TRIP11: variants seen among roughly 807,000 people sequenced by gnomAD.
TRIP11 encodes the protein thyroid receptor-interacting protein 11.
In TRIP11, 148 loss-of-function variants were observed where a neutral mutation model predicts 223.1. That is an observed-to-expected ratio of 0.66 (90% CI 0.58 to 0.76). The LOEUF (loss-of-function observed/expected upper bound fraction) is 0.76. TRIP11 is among the 30% of genes least tolerant of loss of function. TRIP11 has a pLI of 0.00. For missense variants in TRIP11, 2,043 were observed against 2,222.0 expected, an observed-to-expected ratio of 0.92 and a Z score of 1.62; for synonymous variants, 762 against 772.6, an observed-to-expected ratio of 0.99 and a Z score of 0.23.
intron 11 of TRIP11, 94 bp downstream of exon 11, chr14:92,003,323 GCA>G (rs2140115227): frequency 2.7e-6 from 4 of 1,489,114 alleles, no homozygotes; most frequent in Non-Finnish European, 3.7e-6. Context: ...ATGAACAAAT[GCA>G]CAGTCCCCTT....
At chr14:92,011,620 C>A in intron 8 of TRIP11, 135 bp downstream of exon 8, 91 of 619,324 alleles carry the variant, frequency 1.5e-4, no homozygotes, top group Middle Eastern at 7.4e-4. Context: ...AATATATTTA[C>A]AAAATAACTT....
intron 20 of TRIP11, among the ~76,000 whole-genome samples, chr14:91,971,922 T>C (rs10143975): frequency 0.037 from 5,574 of 152,316 alleles, 330 homozygotes; most frequent in African/African-American, 0.12. Flanking sequence ...AAGCATCTGA[T>C]GTGTGATATG....
intron 16 of TRIP11, among the ~76,000 whole-genome samples, chr14:91,986,993 T>C (rs538334190): frequency 2.2e-4 from 34 of 152,304 alleles, no homozygotes; most frequent in Middle Eastern, 3.4e-3. Flanking sequence ...CCACGAATTA[T>C]GGTAATAGTT....
chr14:92,037,674 G>A lies in TRIP11; in HGVS notation c.139+1873C>T, dbSNP rs146425142. Among the ~76,000 whole-genome samples the A allele has an allele frequency of 7.6e-3, 1,158 of 152,320 alleles. 19 individuals are homozygous for A. Among genetic ancestry groups the A allele is most frequent in the African/African-American group, 0.026 (1,073 of 41,568 alleles). On this transcript the variant is annotated intron_variant, in intron 1 of 20. Coordinates refer to ENST00000267622, the MANE Select transcript of TRIP11 (RefSeq NM_004239.4). The surrounding 1 kb of genome is among the most constrained non-coding windows in gnomAD (Gnocchi z 4.2). The stretch of plus-strand genomic sequence containing the variant: ...GGATCACCTGCGGTCTCAGGAGTTC[G>A]AGATCAGCCTGGCCAACATGGCGAA...
chr14:91,985,552 A>G (rs10140150), intron 16 of TRIP11, among the ~76,000 whole-genome samples: 5,478 of 152,300 alleles, frequency 0.036, 315 homozygotes, highest in African/African-American at 0.11. Context: ...AACCATTTGG[A>G]ATAAAATACT....
Position 91,975,154 on chromosome 14 carries a change from C to T in TRIP11, c.5457+18G>A. ...CTGGATTATGAATGTGTTCAGATGG[C>T]TTTCATCGTCCAGTCACCTGCTCCA... On this transcript the variant is annotated intron_variant, in intron 18 of 20. Transcript: ENST00000267622. The T allele has an allele frequency of 6.2e-7, 1 of 1,600,420 alleles. No individual in the cohort carries two copies. Among genetic ancestry groups the T allele is most frequent in the Non-Finnish European group, 8.6e-7 (1 of 1,167,786 alleles).
chr14:92,034,438 G>GAAAAAAAAAAAAAAAAA (rs1289802271), intron 1 of TRIP11, among the ~76,000 whole-genome samples: 2 of 146,688 alleles, frequency 1.4e-5, no homozygotes, highest in Admixed American at 6.7e-5. Context: ...AAAAAAAAAG[G>GAAAAAAAAAAAAAAAAA]AAAGGGAGCT....
Position 92,011,026 on chromosome 14 carries a change from T to A in TRIP11, c.1274A>T (p.Glu425Val). 6.2e-7 allele frequency: 1 copy of A among 1,614,066 alleles called. No homozygotes were observed. Among genetic ancestry groups the A allele is most frequent in the Non-Finnish European group, 8.5e-7 (1 of 1,179,994 alleles). Residue 425 changes from glutamate to valine, a missense_variant, in exon 9 of 21, where the codon GAA (glutamate) becomes GTA (valine). Coordinates refer to ENST00000267622, the MANE Select transcript of TRIP11 (RefSeq NM_004239.4). The stretch of plus-strand genomic sequence containing the variant: ...TAATGACTTCTCTTTTTCTAAAACT[T>A]CGATACGCATTTTAAGTTTCAGATT... ...EDNLKLKMRI[E>V]VLEKEKSLLS...
chr14:92,020,647 C>A (rs1314181283), intron 4 of TRIP11, among the ~76,000 whole-genome samples: 1 of 149,810 alleles, frequency 6.7e-6, no homozygotes, highest in Non-Finnish European at 1.5e-5. Context: ...CAATTTTTTT[C>A]CTCTCATGTT....
At chr14:91,992,766 G>A (rs61063535) in intron 15 of TRIP11, among the ~76,000 whole-genome samples, 2,978 of 151,792 alleles carry the variant, frequency 0.02, 54 homozygotes, top group South Asian at 0.085. Flanking sequence ...AAAATTAGCC[G>A]GGTGTGGTGG....
At chr14:91,976,284 C>G in intron 16 of TRIP11, 95 bp from the exon 17 acceptor site, 1 of 989,378 alleles carries the variant, frequency 1.0e-6, no homozygotes, top group Non-Finnish European at 1.6e-6. Context: ...ATTATAACCT[C>G]TGAATATATA....
At chr14:92,021,331 G>A (rs1354080499) in intron 4 of TRIP11, among the ~76,000 whole-genome samples, 2 of 150,084 alleles carry the variant, frequency 1.3e-5, no homozygotes, top group African/African-American at 4.9e-5. Flanking sequence ...CGAGGCTGCA[G>A]TGAGCCAAGA....
Position 92,006,163 on chromosome 14 carries a change from C to A in TRIP11, c.1813G>T (p.Glu605Ter). The A allele has an allele frequency of 6.2e-7, 1 of 1,613,076 alleles. No individual in the cohort carries two copies. The highest frequency in any genetic ancestry group is 8.5e-7 in the Non-Finnish European group (1 of 1,179,780). The change falls in exon 11 of 21, where the codon GAG (glutamate) becomes TAG (stop). Residue 605 changes from glutamate to a stop codon, truncating the protein, a stop_gained. Transcript: ENST00000267622. LOFTEE classifies it high-confidence loss of function. ...SQESNVSIQK[E>*]NLELKEHIRQ... ...ATATGCTCCTTAAGTTCTAAATTCT[C>A]CTTCTGGATGCTTACATTACTTTCT...
At chr14:92,035,252 C>A (rs1281538679) in intron 1 of TRIP11, among the ~76,000 whole-genome samples, 2 of 151,684 alleles carry the variant, frequency 1.3e-5, no homozygotes, top group African/African-American at 4.8e-5. Context: ...ACTGGGGAGG[C>A]AGAAGCTGCA....
rs2056734413 is a variant in TRIP11, at chr14:91,995,226, T to TCTACTTTGAGGCTAC, written c.5056+125_5056+126insGTAGCCTCAAAGTAG. On this transcript the variant is annotated intron_variant, in intron 14 of 20. Transcript: ENST00000267622. ...TTAACTTTTTGATGGCTACTCACCCTTCCCCTCTACCAGTGGGTAACCTTT... is the reference window on the plus strand; with the variant it reads ...TTAACTTTTTGATGGCTACTCACCCTCTACTTTGAGGCTACTCCCCTCTACCAGTGGGTAACCTTT... The TCTACTTTGAGGCTAC allele has an allele frequency of 2.7e-6, 3 of 1,091,084 alleles. No individual in the cohort carries two copies. The African/African-American group carries it at 4.6e-5, about 17-fold the overall frequency. The allele number at this position is 1,091,084 out of a possible 1,614,324, so 67.6% of individuals were successfully genotyped here.
rs1044177945 is a variant in TRIP11 at position 92,037,071 on chromosome 14, TAAGC to T, written c.139+2472_139+2475del. ...TTTACAAAATCAATAAATTAGGTGT[TAAGC>T]AAGTCCGATTGAAATACAAAGGGGA... On this transcript the variant is annotated intron_variant, in intron 1 of 20. Transcript: ENST00000267622. The surrounding 1 kb of genome is among the most constrained non-coding windows in gnomAD (Gnocchi z 4.2). 1.3e-5 allele frequency among the ~76,000 whole-genome samples: 2 copies of T among 152,194 alleles called. No individual in the cohort carries two copies. The highest frequency in any genetic ancestry group is 4.8e-5 in the African/African-American group (2 of 41,442).
rs762277142 is a variant in TRIP11 at position 92,003,936 on chromosome 14, T to C, written c.4040A>G (p.Gln1347Arg). 1.2e-6 allele frequency: 2 copies of C among 1,614,186 alleles called. No individual in the cohort carries two copies. Among genetic ancestry groups the C allele is most frequent in the East Asian group, 2.2e-5 (1 of 44,886 alleles). ...TGATTTTCTTAGCTCTTCTAACTCT[T>C]GCTGAAGCAATTCAGAAGATTCACT... The part of the protein sequence containing the change: ...VLSESSELLQ[Q>R]ELEELRKSLQ... The change falls in exon 11 of 21, where the codon CAA becomes CGA. Residue 1347 changes from glutamine to arginine, a missense_variant. Coordinates refer to ENST00000267622, the MANE Select transcript of TRIP11 (RefSeq NM_004239.4).
At chr14:91,980,039 T>C (rs1052665026) in intron 16 of TRIP11, among the ~76,000 whole-genome samples, 2 of 151,848 alleles carry the variant, frequency 1.3e-5, no homozygotes, top group Non-Finnish European at 2.9e-5. Context: ...GCAACTGAGA[T>C]TTAGTCTAGT....
Position 92,039,545 on chromosome 14 carries a change from A to T in TRIP11, c.139+2T>A. ...CCTCCCTTCCCTCGCTCCAGCTGTT[A>T]CCTTCCACTTCCTCCGTGCCCTCCA... On this transcript the variant is annotated splice_donor_variant, in intron 1 of 20. Coordinates refer to ENST00000267622, the MANE Select transcript of TRIP11 (RefSeq NM_004239.4). LOFTEE classifies it high-confidence loss of function. 6.2e-7 allele frequency: 1 copy of T among 1,613,594 alleles called. No homozygotes were observed. Among genetic ancestry groups the T allele is most frequent in the Non-Finnish European group, 8.5e-7 (1 of 1,179,834 alleles).
Sources: allele counts gnomAD v4.1 joint callset (sites outside exome capture counted in the v4.1 genomes callset), GRCh38; gene constraint gnomAD v4.1.1; non-coding constraint Gnocchi (gnomAD v3.1); transcripts MANE v1.5; gene names NCBI Gene and HGNC (gene_info 2026-07-23, HGNC 2026-07-21).